The following UBOX5 variants were observed in gnomAD, a reference collection of about 807,000 sequenced individuals.
The protein encoded by UBOX5 is RING finger protein 37.
Under a neutral mutation model 39.0 loss-of-function variants are expected in UBOX5, and 28 were observed. The observed-to-expected ratio is 0.72, with a 90% CI of 0.53 to 0.98. The LOEUF (loss-of-function observed/expected upper bound fraction) is 0.98, where lower values mean the gene tolerates loss of function less well. Among genes scored for constraint, UBOX5 ranks in the 50% least tolerant of loss-of-function variants. The pLI, the probability that UBOX5 is intolerant of heterozygous loss-of-function variation, is 0.00. For synonymous variants in UBOX5, 283 were observed against 275.5 expected, an observed-to-expected ratio of 1.03 and a Z score of -0.27; for missense variants, 585 against 674.4, an observed-to-expected ratio of 0.87 and a Z score of 1.47.
At chr20:3,125,180 C>T (rs2066371863) in intron 1 of UBOX5, among the ~76,000 whole-genome samples, 1 of 148,900 alleles carries the variant, frequency 6.7e-6, no homozygotes, top group Non-Finnish European at 1.5e-5. Context: ...AGCGCCACTG[C>T]CCGGCTGCAC....
chr20:3,158,534 C>T (rs527437345), intron 1 of UBOX5, among the ~76,000 whole-genome samples: 79 of 152,276 alleles, frequency 5.2e-4, no homozygotes, highest in Middle Eastern at 3.4e-3. Context: ...AGTGCAGTGG[C>T]GCGATCTCGG....
intron 1 of UBOX5, among the ~76,000 whole-genome samples, chr20:3,132,030 C>T (rs1264918866): frequency 7.6e-5 from 6 of 78,636 alleles, no homozygotes; most frequent in Non-Finnish European, 1.7e-4. Context: ...AAAAAAAAAA[C>T]TGGGCGTGGT....
intron 1 of UBOX5, among the ~76,000 whole-genome samples, chr20:3,141,537 T>C (rs2066517378): frequency 6.6e-6 from 1 of 151,974 alleles, no homozygotes; most frequent in African/African-American, 2.4e-5. Flanking sequence ...TCCTAGCTCC[T>C]TGGGAGGCTT....
chr20:3,153,460 G>A (rs1021625463), intron 1 of UBOX5, among the ~76,000 whole-genome samples: 3 of 152,198 alleles, frequency 2.0e-5, no homozygotes, highest in African/African-American at 7.2e-5. Context: ...TGATGAGAAA[G>A]AGACCACAAG....
At chr20:3,134,988 G>A (rs1441243398) in intron 1 of UBOX5, among the ~76,000 whole-genome samples, 1 of 152,126 alleles carries the variant, frequency 6.6e-6, no homozygotes, top group Non-Finnish European at 1.5e-5. Context: ...CAAGTAATGG[G>A]TTAAAGAAAA....
At chr20:3,145,158 G>A (rs1380380118) in intron 1 of UBOX5, among the ~76,000 whole-genome samples, 2 of 151,058 alleles carry the variant, frequency 1.3e-5, no homozygotes, top group Non-Finnish European at 2.9e-5. Context: ...AGCTTTGAGA[G>A]CCTTTTTTTT....
At chr20:3,113,236 C>T (rs565633377) in intron 4 of UBOX5, among the ~76,000 whole-genome samples, 49 of 147,808 alleles carry the variant, frequency 3.3e-4, no homozygotes, top group African/African-American at 1.1e-3. Flanking sequence ...TGCAGTGAGC[C>T]GAGATTGCGC....
rs2066600205 is a variant in UBOX5, at chr20:3,149,193, CTGGAA to C, written c.-42+10568_-42+10572del. 9.4e-7 allele frequency: 1 copy of C among 1,065,722 alleles called. No homozygotes were observed. Among genetic ancestry groups the C allele is most frequent in the Non-Finnish European group, 1.3e-6 (1 of 746,268 alleles). The allele number at this position is 1,065,722 out of a possible 1,614,324, so 66.0% of individuals were successfully genotyped here. A position where few individuals can be genotyped will look rare whatever the true frequency, so the allele number is the denominator to read the frequency against. ...CGGGGAGGTGTTCCACAAAAACTGC[CTGGAA>C]ATCTTCAGCATATCACAAGAGCCAG... On this transcript the variant is annotated intron_variant, in intron 1 of 4. Transcript: ENST00000217173. This position sits in a 1 kb window ranked among gnomAD's most constrained non-coding sequence, Gnocchi z 4.1.
In UBOX5 at chr20:3,110,060, C is replaced by T; in HGVS notation, c.*46G>A. ...TGCTGTGGCCCTGCTCCTGTTCCCCCTCAGCTCCTCCCAGCAATGGGTCTC... is the reference window on the plus strand; with the variant it reads ...TGCTGTGGCCCTGCTCCTGTTCCCCTTCAGCTCCTCCCAGCAATGGGTCTC... On this transcript the variant is annotated 3_prime_UTR_variant, in exon 5 of 5. Transcript: ENST00000217173. 2 of 1,601,946 alleles carry T rather than the reference C, an allele frequency of 1.2e-6. No homozygotes were observed. The highest frequency in any genetic ancestry group is 1.7e-6 in the Non-Finnish European group (2 of 1,178,270).
intron 1 of UBOX5, among the ~76,000 whole-genome samples, chr20:3,152,455 T>C (rs1162303614): frequency 3.3e-5 from 5 of 152,008 alleles, no homozygotes; most frequent in African/African-American, 4.8e-5. Context: ...TGAGCTGAGA[T>C]AGCGCCACTG....
rs1200350254 is a variant in UBOX5 at position 3,107,930 on chromosome 20, T to C, written c.*2176A>G. 6.6e-6 allele frequency: 1 copy of C among 152,106 alleles called. No homozygotes were observed. Among genetic ancestry groups the C allele is most frequent in the Non-Finnish European group, 1.5e-5 (1 of 68,066 alleles). The allele number at this position is 152,106 out of a possible 1,614,324, so 9.4% of individuals were successfully genotyped here. A position where few individuals can be genotyped will look rare whatever the true frequency, so the allele number is the denominator to read the frequency against. On this transcript the variant is annotated 3_prime_UTR_variant, in exon 5 of 5. Coordinates refer to ENST00000217173, the MANE Select transcript of UBOX5 (RefSeq NM_014948.4). The surrounding 1 kb of genome is among the most constrained non-coding windows in gnomAD (Gnocchi z 5.0). Reference sequence around the variant, plus strand: ...CGCCGTGCTGACGCTGACTGCACGCTAGGGCTCTCGGGGTTGGGTGGACAG... The same window carrying C: ...CGCCGTGCTGACGCTGACTGCACGCCAGGGCTCTCGGGGTTGGGTGGACAG...
chr20:3,158,600 G>C (rs2066714154), intron 1 of UBOX5, among the ~76,000 whole-genome samples: 1 of 152,106 alleles, frequency 6.6e-6, no homozygotes. Flanking sequence ...TCAGCCTCCA[G>C]AGTAGCTGGG....
Position 3,110,140 on chromosome 20 carries a change from AC to A in UBOX5, c.1591del (p.Val531LeufsTer13), listed in dbSNP as rs1443744247. Reference sequence around the variant, plus strand: ...GACCCGCAGCACGTCTTGGCTAGCAACCGGCCGCTGGCAGGCTGTGCACGTC... The same window carrying A: ...GACCCGCAGCACGTCTTGGCTAGCAACGGCCGCTGGCAGGCTGTGCACGTC... ...PMTCTACQRP[V>X]ASQDVLRVHF On this transcript the variant is annotated frameshift_variant, in exon 5 of 5. Transcript: ENST00000217173. LOFTEE classifies it high-confidence loss of function. The A allele has an allele frequency of 6.2e-7, 1 of 1,612,614 alleles. No homozygotes were observed. Among genetic ancestry groups the A allele is most frequent in the East Asian group, 2.2e-5 (1 of 44,874 alleles).
At chr20:3,129,164 C>T (rs2066411838) in intron 1 of UBOX5, among the ~76,000 whole-genome samples, 1 of 152,168 alleles carries the variant, frequency 6.6e-6, no homozygotes, top group Non-Finnish European at 1.5e-5. Flanking sequence ...ACTACCTGCT[C>T]TCCACAGCAC....
rs963644667 is a variant in UBOX5 at position 3,109,951 on chromosome 20, A to G, written c.*155T>C. The G allele has an allele frequency of 1.2e-6, 1 of 817,878 alleles. No homozygotes were observed. The highest frequency in any genetic ancestry group is 1.7e-5 in the African/African-American group (1 of 58,536). The allele number at this position is 817,878 out of a possible 1,614,324, so 50.7% of individuals were successfully genotyped here. A position where few individuals can be genotyped will look rare whatever the true frequency, so the allele number is the denominator to read the frequency against. ...CCCTATTGCCACCAGCGCAGAAGCA[A>G]TGTGCTATACCGTGAGGTGATGAAG... On this transcript the variant is annotated 3_prime_UTR_variant, in exon 5 of 5. Coordinates refer to ENST00000217173, the MANE Select transcript of UBOX5 (RefSeq NM_014948.4).
intron 3 of UBOX5, among the ~76,000 whole-genome samples, chr20:3,116,962 A>G (rs1378077479): frequency 1.3e-5 from 2 of 151,962 alleles, no homozygotes; most frequent in African/African-American, 4.8e-5. Context: ...CAGGCGTAGT[A>G]GTGCGTGCCT....
rs545600199 is a variant in UBOX5, at chr20:3,121,441, C to T, written c.1198G>A (p.Ala400Thr). ...LVLPTTSEHT[A>T]KKMKATNEPS... ...TCATTGGTGGCTTTCATTTTCTTAG[C>T]AGTGTGCTCTGAGGTAGTGGGTAAG... The change falls in exon 3 of 5, where the codon GCT becomes ACT. Residue 400 changes from alanine to threonine, a missense_variant. Physicochemically the swap from Ala to Thr is moderately conservative, Grantham distance 58. Coordinates refer to ENST00000217173, the MANE Select transcript of UBOX5 (RefSeq NM_014948.4). The T allele has an allele frequency of 5.6e-6, 9 of 1,614,032 alleles. No individual in the cohort carries two copies. In the South Asian group the frequency reaches 6.6e-5, roughly 12 times the overall value.
intron 3 of UBOX5, among the ~76,000 whole-genome samples, chr20:3,117,009 T>G (rs2066298373): frequency 6.6e-6 from 1 of 151,828 alleles, no homozygotes; most frequent in Admixed American, 6.6e-5. Context: ...GGCAGGAGAT[T>G]CGCTTGAACT....
chr20:3,123,676 G>A (rs2066355339), intron 1 of UBOX5, among the ~76,000 whole-genome samples: 1 of 152,214 alleles, frequency 6.6e-6, no homozygotes, highest in Non-Finnish European at 1.5e-5. Flanking sequence ...AGACCCAATG[G>A]AGGCAAGGCC....
Sources: gnomAD v4.1 joint callset for allele counts (sites outside exome capture counted in the v4.1 genomes callset) on GRCh38, gnomAD v4.1.1 for gene constraint, Gnocchi (gnomAD v3.1) non-coding constraint, MANE v1.5 for transcripts, NCBI Gene and HGNC (gene_info 2026-07-23, HGNC 2026-07-21) for gene names.